The following ENPP3 variants were observed in gnomAD, a reference collection of about 807,000 sequenced individuals.
The protein encoded by ENPP3 is ectonucleotide pyrophosphatase/phosphodiesterase 3.
A neutral mutation model predicts 117.8 loss-of-function variants in ENPP3; 104 were observed. The observed-to-expected ratio is 0.88, with a 90% CI of 0.75 to 1.04. The LOEUF (loss-of-function observed/expected upper bound fraction) is 1.04. Ranked by LOEUF, ENPP3 falls within the 50% of genes least tolerant of loss-of-function variation. The probability of loss-of-function intolerance (pLI) is 0.00; values close to 1 mark genes in which losing one functional copy is unlikely to be tolerated. For missense variants in ENPP3, 1,026 were observed against 1,051.9 expected (o/e 0.98, Z 0.34); for synonymous variants, 380 against 349.9 (o/e 1.09, Z -0.96).
chr6:131,641,804 T>TTTG (rs1554259829), intron 2 of ENPP3, among the ~76,000 whole-genome samples: 1 of 119,720 alleles, frequency 8.4e-6, no homozygotes, highest in African/African-American at 3.7e-5. Flanking sequence ...CCCTGGTTTT[T>TTTG]TTTTTTTTTT....
chr6:131,686,241 A>G (rs1779150842), intron 14 of ENPP3, among the ~76,000 whole-genome samples: 1 of 152,198 alleles, frequency 6.6e-6, no homozygotes, highest in South Asian at 2.1e-4. Context: ...ATATAAGAGG[A>G]TAGTGAATTA....
In ENPP3 at chr6:131,685,480, CA is replaced by C; in HGVS notation, c.1238del (p.His413LeufsTer28). On this transcript the variant is annotated frameshift_variant, in exon 13 of 25. Transcript: ENST00000357639. LOFTEE classifies it high-confidence loss of function. ...APRIRAHNIPHDFFSFNSEEI... is the reference protein window; with the variant it reads ...APRIRAHNIPXDFFSFNSEEI... ...CCGCATCCGAGCTCATAATATACCTCATGACTTTTTTAGTTGTAAGTATGAA... is the reference window on the plus strand; with the variant it reads ...CCGCATCCGAGCTCATAATATACCTCTGACTTTTTTAGTTGTAAGTATGAA... 6.2e-7 allele frequency: 1 copy of C among 1,613,450 alleles called. No homozygotes were observed. The highest frequency in any genetic ancestry group is 1.3e-5 in the African/African-American group (1 of 75,000).
chr6:131,646,987 T>C (rs1209249473), intron 2 of ENPP3, among the ~76,000 whole-genome samples: 1 of 150,482 alleles, frequency 6.6e-6, no homozygotes, highest in African/African-American at 2.4e-5. Context: ...TTTTTTTTTT[T>C]TTTTGCCTCT....
intron 5 of ENPP3, among the ~76,000 whole-genome samples, chr6:131,655,784 G>T (rs567561074): frequency 1.3e-5 from 2 of 152,268 alleles, no homozygotes; most frequent in South Asian, 4.1e-4. Flanking sequence ...GAAATTACAG[G>T]ACTGATTTGT....
intron 1 of ENPP3, among the ~76,000 whole-genome samples, chr6:131,638,942 G>A (rs1415008188): frequency 6.6e-6 from 1 of 151,494 alleles, no homozygotes; most frequent in Non-Finnish European, 1.5e-5. Context: ...GACTATGTGT[G>A]TGCCCCAGTG....
intron 14 of ENPP3, among the ~76,000 whole-genome samples, chr6:131,689,335 T>A (rs1779227933): frequency 6.6e-6 from 1 of 152,204 alleles, no homozygotes; most frequent in Admixed American, 6.5e-5. Context: ...GCTGACTCTT[T>A]TTTTAGGGGC....
chr6:131,672,096 T>G (rs1778755900), intron 7 of ENPP3, among the ~76,000 whole-genome samples: 1 of 152,200 alleles, frequency 6.6e-6, no homozygotes, highest in Non-Finnish European at 1.5e-5. Context: ...AATTTATTTG[T>G]AACCCCCAAA....
Position 131,637,458 on chromosome 6 carries a change from G to A in ENPP3, c.74G>A (p.Cys25Tyr). ...ACTCTTAAGAAATATAAAATAGCTT[G>A]CATTGTAAGTACAATTCTTATTTTT... ...KNTLKKYKIA[C>Y]IVLLALLVIM... Residue 25 changes from cysteine to tyrosine, a missense_variant, in exon 1 of 25, where the codon TGC becomes TAC. By Grantham distance (194) the Cys-to-Tyr change is radical. Transcript: ENST00000357639. 3 of 1,535,442 alleles carry A rather than the reference G, an allele frequency of 2.0e-6. No individual in the cohort carries two copies. The highest frequency in any genetic ancestry group is 2.7e-6 in the Non-Finnish European group (3 of 1,120,892).
chr6:131,725,778 C>T (rs1412844622), intron 19 of ENPP3, among the ~76,000 whole-genome samples: 1 of 152,072 alleles, frequency 6.6e-6, no homozygotes, highest in Non-Finnish European at 1.5e-5. Flanking sequence ...TGCTTAGGCT[C>T]TTGCTTGGCC....
At chr6:131,722,940 G>A (rs1780067522) in intron 18 of ENPP3, among the ~76,000 whole-genome samples, 1 of 152,140 alleles carries the variant, frequency 6.6e-6, no homozygotes, top group African/African-American at 2.4e-5. Flanking sequence ...CAGGACTTCA[G>A]ATCCCAGGAG....
chr6:131,707,194 G>A (rs1480963456), intron 15 of ENPP3, among the ~76,000 whole-genome samples: 2 of 151,456 alleles, frequency 1.3e-5, no homozygotes, highest in African/African-American at 4.9e-5. Flanking sequence ...ACTGCATTTT[G>A]TCCATTTTGT....
intron 19 of ENPP3, among the ~76,000 whole-genome samples, chr6:131,725,685 T>C (rs1005532535): frequency 6.6e-6 from 1 of 152,204 alleles, no homozygotes; most frequent in Non-Finnish European, 1.5e-5. Flanking sequence ...GTATGTACTT[T>C]TGACTTTGAA....
chr6:131,676,886 C>T, intron 10 of ENPP3, 85 bp downstream of exon 10: 2 of 868,862 alleles, frequency 2.3e-6, no homozygotes, highest in Non-Finnish European at 3.7e-6. Flanking sequence ...CTTTAAATTA[C>T]AATTTTTGGC....
chr6:131,679,001 G>GCTTCCTTCCTTC (rs1191014512), intron 11 of ENPP3, among the ~76,000 whole-genome samples: 2 of 40,504 alleles, frequency 4.9e-5, no homozygotes, highest in East Asian at 7.5e-4. Context: ...TTCCTTCCTT[G>GCTTCCTTCCTTC]CTTCCTTCCT....
chr6:131,734,039 T>A (rs1198509385), intron 21 of ENPP3, among the ~76,000 whole-genome samples: 1 of 152,140 alleles, frequency 6.6e-6, no homozygotes, highest in East Asian at 1.9e-4. Context: ...TTCTTCTGAC[T>A]CCTGCCCAAG....
At chr6:131,724,632 A>G (rs1780113575) in intron 19 of ENPP3, among the ~76,000 whole-genome samples, 1 of 152,180 alleles carries the variant, frequency 6.6e-6, no homozygotes, top group African/African-American at 2.4e-5. Flanking sequence ...ATAAGGGGAT[A>G]CCTACTTTAT....
At chr6:131,730,713 G>A (rs1780258698) in intron 20 of ENPP3, among the ~76,000 whole-genome samples, 1 of 152,264 alleles carries the variant, frequency 6.6e-6, no homozygotes, top group Admixed American at 6.5e-5. Context: ...TCAGGCGTTT[G>A]AGACCAGCCT....
intron 15 of ENPP3, among the ~76,000 whole-genome samples, chr6:131,702,080 C>T (rs1459367084): frequency 6.6e-6 from 1 of 151,906 alleles, no homozygotes; most frequent in Non-Finnish European, 1.5e-5. Flanking sequence ...CAATGTAGTA[C>T]ACAGTTTTTG....
intron 14 of ENPP3, among the ~76,000 whole-genome samples, chr6:131,686,619 G>C (rs1779159264): frequency 6.6e-6 from 1 of 152,098 alleles, no homozygotes; most frequent in South Asian, 2.1e-4. Flanking sequence ...CTATCATCCT[G>C]GTAGTAAGCA....
Sources: gnomAD v4.1 joint callset for allele counts (sites outside exome capture counted in the v4.1 genomes callset) on GRCh38, gnomAD v4.1.1 for gene constraint, MANE v1.5 for transcripts, NCBI Gene and HGNC (gene_info 2026-07-23, HGNC 2026-07-21) for gene names.